The following BBS9 variants were observed in gnomAD, a reference collection of about 807,000 sequenced individuals.
BBS9 encodes the protein protein PTHB1.
In BBS9, 89 loss-of-function variants were observed where a neutral mutation model predicts 117.7. The observed-to-expected ratio is 0.76, with a 90% CI of 0.64 to 0.90. BBS9 has a LOEUF of 0.90. BBS9 is among the 40% of genes least tolerant of loss of function. BBS9 has a pLI of 0.00. For synonymous variants in BBS9, 379 were observed against 370.9 expected (o/e 1.02, Z -0.25); for missense variants, 982 against 1,042.2 (o/e 0.94, Z 0.80).
rs940290055 is a variant in BBS9, at chr7:33,254,618, T to C, written c.443-2618T>C. Among the ~76,000 whole-genome samples, 5 of 152,322 alleles carry C rather than the reference T, an allele frequency of 3.3e-5. No individual in the cohort carries two copies. In the East Asian group the frequency reaches 9.6e-4, roughly 29 times the overall value. On this transcript the variant is annotated intron_variant, in intron 5 of 22. Coordinates refer to ENST00000242067, the MANE Select transcript of BBS9 (RefSeq NM_198428.3). ...GCATTAGGTCTCCAGAACTTACTCA[T>C]ATTATAACTGCAAGTGTATATCATT...
At chr7:33,379,791 AT>A (rs368887869) in intron 17 of BBS9, among the ~76,000 whole-genome samples, 2 of 152,190 alleles carry the variant, frequency 1.3e-5, no homozygotes, top group African/African-American at 4.8e-5. Flanking sequence ...TATGTCAAGC[AT>A]TGTTTTAAGT....
chr7:33,527,321 G>A (rs1849724335), intron 20 of BBS9, among the ~76,000 whole-genome samples: 1 of 152,184 alleles, frequency 6.6e-6, no homozygotes, highest in Non-Finnish European at 1.5e-5. Flanking sequence ...GCAAGCCTGG[G>A]CAATGGTGGG....
chr7:33,133,927 A>G (rs2392229), intron 1 of BBS9, among the ~76,000 whole-genome samples: 13,532 of 152,276 alleles, frequency 0.089, 635 homozygotes, highest in South Asian at 0.13. Flanking sequence ...CTAGCAGTAT[A>G]TGAGGGCTCT....
intron 19 of BBS9, among the ~76,000 whole-genome samples, chr7:33,439,333 A>C (rs955990432): frequency 6.6e-6 from 1 of 152,150 alleles, no homozygotes; most frequent in African/African-American, 2.4e-5. Context: ...GCATGTATCA[A>C]ATGGATTTCT....
At chr7:33,308,299 CT>C (rs1808464670) in intron 9 of BBS9, among the ~76,000 whole-genome samples, 1 of 152,150 alleles carries the variant, frequency 6.6e-6, no homozygotes, top group African/African-American at 2.4e-5. Flanking sequence ...CCCCGCTTCT[CT>C]CTTTAGAGAA....
At chr7:33,171,718 T>G (rs937038211) in intron 4 of BBS9, among the ~76,000 whole-genome samples, 1 of 152,192 alleles carries the variant, frequency 6.6e-6, no homozygotes, top group African/African-American at 2.4e-5. Context: ...AATTAATGTT[T>G]CAATATTTTA....
At chr7:33,552,825 G>A (rs974093134) in intron 21 of BBS9, among the ~76,000 whole-genome samples, 18 of 152,040 alleles carry the variant, frequency 1.2e-4, no homozygotes, top group Non-Finnish European at 1.9e-4. Context: ...TTGTCTTTCT[G>A]TTCTTTCTCA....
chr7:33,340,010 T>C (rs2128633978), intron 10 of BBS9, among the ~76,000 whole-genome samples: 1 of 151,404 alleles, frequency 6.6e-6, no homozygotes, highest in East Asian at 1.9e-4. Context: ...AATTTAAAAA[T>C]GTTTTTTGTT....
At chr7:33,181,757 T>G (rs1425320818) in intron 5 of BBS9, among the ~76,000 whole-genome samples, 1 of 152,224 alleles carries the variant, frequency 6.6e-6, no homozygotes, top group African/African-American at 2.4e-5. Flanking sequence ...TTCCACAACT[T>G]GTTCAAACCT....
intron 5 of BBS9, among the ~76,000 whole-genome samples, chr7:33,206,978 T>C (rs1296649382): frequency 2.0e-5 from 3 of 152,216 alleles, no homozygotes; most frequent in Non-Finnish European, 1.5e-5. Flanking sequence ...AAATTTTTTT[T>C]CTCATTTTGT....
At chr7:33,412,906 T>A (rs1027787758) in intron 19 of BBS9, among the ~76,000 whole-genome samples, 7 of 152,242 alleles carry the variant, frequency 4.6e-5, no homozygotes, top group African/African-American at 1.7e-4. Context: ...CCATTCTTCC[T>A]TGAGTTAGCC....
chr7:33,436,393 C>G (rs1835308514), intron 19 of BBS9, among the ~76,000 whole-genome samples: 2 of 152,168 alleles, frequency 1.3e-5, no homozygotes, highest in South Asian at 4.1e-4. Flanking sequence ...GTAATAGCCC[C>G]TTGATCACTG....
At chr7:33,346,649 AT>A (rs1277671923) in intron 12 of BBS9, among the ~76,000 whole-genome samples, 1 of 152,022 alleles carries the variant, frequency 6.6e-6, no homozygotes, top group Non-Finnish European at 1.5e-5. Context: ...CTTGATTTGT[AT>A]TTTGAAAGGG....
chr7:33,432,094 T>A lies in BBS9; in HGVS notation c.2115+43950T>A, dbSNP rs1584803235. 2.0e-5 allele frequency among the ~76,000 whole-genome samples: 3 copies of A among 151,662 alleles called. No homozygotes were observed. In the East Asian group the frequency reaches 5.8e-4, roughly 29 times the overall value. ...TTTTTTTTCTTTCTTTCTTTCTTTT[T>A]TTTTTTTTGAGACAGAGTCTCACTC... is the stretch of plus-strand genomic sequence containing the variant. On this transcript the variant is annotated intron_variant, in intron 19 of 22. Transcript: ENST00000242067.
intron 4 of BBS9, chr7:33,157,802 A>G (rs1794310222): frequency 6.6e-6 from 1 of 152,148 alleles, no homozygotes. Context: ...GTCAGAGGCT[A>G]TTTTGCTAAC....
chr7:33,252,664 A>G (rs1796397331), intron 5 of BBS9, among the ~76,000 whole-genome samples: 1 of 151,976 alleles, frequency 6.6e-6, no homozygotes, highest in African/African-American at 2.4e-5. Flanking sequence ...AATGAACACA[A>G]ATTTTATTGG....
At chr7:33,196,262 A>G (rs1438903314) in intron 5 of BBS9, among the ~76,000 whole-genome samples, 1 of 152,258 alleles carries the variant, frequency 6.6e-6, no homozygotes, top group Middle Eastern at 3.4e-3. Context: ...ACAATCCTAG[A>G]TAATCAGATC....
chr7:33,568,190 C>T (rs1027347097), intron 21 of BBS9, among the ~76,000 whole-genome samples: 1 of 152,156 alleles, frequency 6.6e-6, no homozygotes, highest in African/African-American at 2.4e-5. Context: ...TCAGCACTCC[C>T]CATACCAGTG....
At chr7:33,397,299 T>G (rs1030387249) in intron 19 of BBS9, among the ~76,000 whole-genome samples, 5 of 152,100 alleles carry the variant, frequency 3.3e-5, no homozygotes, top group African/African-American at 9.7e-5. Flanking sequence ...AGAATGGGTA[T>G]AATTAAAGCA....
Sources: gnomAD v4.1 joint callset for allele counts (sites outside exome capture counted in the v4.1 genomes callset) on GRCh38, gnomAD v4.1.1 for gene constraint, MANE v1.5 for transcripts, NCBI Gene and HGNC (gene_info 2026-07-23, HGNC 2026-07-21) for gene names.